The following ZNF385B variants were observed in gnomAD, a reference collection of about 807,000 sequenced individuals.
ZNF385B encodes the protein zinc finger protein 385B.
ZNF385B carries 23 observed loss-of-function variants against 39.2 expected under a neutral mutation model. The ratio of observed to expected loss-of-function variants is 0.59; its 90% confidence interval spans 0.42 to 0.83. The LOEUF (loss-of-function observed/expected upper bound fraction) is 0.83, where lower values mean the gene tolerates loss of function less well. ZNF385B is among the 40% of genes least tolerant of loss of function. The pLI is 0.00. For missense variants in ZNF385B, 552 were observed against 598.9 expected, an observed-to-expected ratio of 0.92 and a Z score of 0.82; for synonymous variants, 205 against 222.6, an observed-to-expected ratio of 0.92 and a Z score of 0.70.
chr2:179,503,083 T>G (rs1177606150), intron 5 of ZNF385B, among the ~76,000 whole-genome samples: 1 of 152,070 alleles, frequency 6.6e-6, no homozygotes, highest in East Asian at 1.9e-4. Context: ...CCATGTTGCC[T>G]AGGCTGGTCT....
At chr2:179,578,796 T>C (rs997015085) in intron 3 of ZNF385B, among the ~76,000 whole-genome samples, 2 of 152,098 alleles carry the variant, frequency 1.3e-5, no homozygotes, top group African/African-American at 4.8e-5. Context: ...GACATTTACA[T>C]TGCTAATAAA....
At chr2:179,540,314 C>T (rs758853895) in intron 4 of ZNF385B, among the ~76,000 whole-genome samples, 13 of 152,092 alleles carry the variant, frequency 8.5e-5, no homozygotes, top group South Asian at 2.1e-4. Context: ...GGTGTGGTGG[C>T]GCATGACTGT....
chr2:179,712,307 G>T (rs1700057190), intron 3 of ZNF385B, among the ~76,000 whole-genome samples: 1 of 152,034 alleles, frequency 6.6e-6, no homozygotes, highest in African/African-American at 2.4e-5. Flanking sequence ...AATACTCCCT[G>T]GTAGCAACTT....
chr2:179,731,586 T>C (rs940289690), intron 3 of ZNF385B, among the ~76,000 whole-genome samples: 3 of 152,162 alleles, frequency 2.0e-5, no homozygotes, highest in African/African-American at 7.2e-5. Context: ...TGCCAGCAAT[T>C]CTGATTTAAT....
intron 3 of ZNF385B, among the ~76,000 whole-genome samples, chr2:179,747,020 G>A (rs1575411858): frequency 6.6e-6 from 1 of 152,068 alleles, no homozygotes; most frequent in Non-Finnish European, 1.5e-5. Flanking sequence ...AAGGGTTTTA[G>A]GTTCTCATTG....
At position 179,493,675 on chromosome 2, in the gene ZNF385B, A is replaced by G. The variant is rs764702844; in HGVS notation, c.553-10241T>C. On this transcript the variant is annotated intron_variant, in intron 5 of 9. Coordinates refer to ENST00000410066, the MANE Select transcript of ZNF385B (RefSeq NM_152520.6). The stretch of plus-strand genomic sequence containing the variant: ...TATACATATATGTATATGCATATGC[A>G]TATACATATACACATATATACATAT... 2.0e-3 allele frequency among the ~76,000 whole-genome samples: 258 copies of G among 126,574 alleles called. 2 individuals carry two copies. Among genetic ancestry groups the G allele is most frequent in the African/African-American group, 6.0e-3 (207 of 34,750 alleles). The allele number at this position is 126,574 out of a possible 152,430, so 83.0% of individuals were successfully genotyped here.
chr2:179,524,586 A>AAAAAAAAAAAAAAAAAAAAAC (rs2058762490), intron 4 of ZNF385B, among the ~76,000 whole-genome samples: 1 of 144,052 alleles, frequency 6.9e-6, no homozygotes, highest in African/African-American at 2.5e-5. Flanking sequence ...AAAAAAAAAA[A>AAAAAAAAAAAAAAAAAAAAAC]AAAATTTAAA....
intron 6 of ZNF385B, among the ~76,000 whole-genome samples, chr2:179,479,053 T>C (rs913990560): frequency 6.6e-6 from 1 of 152,214 alleles, no homozygotes. Context: ...CCTCCCATTA[T>C]GTTTCCAACT....
chr2:179,852,813 T>G (rs1684284777), intron 1 of ZNF385B, among the ~76,000 whole-genome samples: 1 of 152,194 alleles, frequency 6.6e-6, no homozygotes, highest in Non-Finnish European at 1.5e-5. Flanking sequence ...AAGGGTTAAT[T>G]CCATGAATCT....
chr2:179,473,795 G>A (rs2053092065), intron 6 of ZNF385B, among the ~76,000 whole-genome samples: 3 of 152,084 alleles, frequency 2.0e-5, no homozygotes, highest in Admixed American at 2.0e-4. Context: ...TTCTGTTCCT[G>A]TGTTAGTTTG....
intron 3 of ZNF385B, among the ~76,000 whole-genome samples, chr2:179,593,181 A>G (rs72953722): frequency 0.071 from 10,806 of 152,264 alleles, 492 homozygotes; most frequent in Non-Finnish European, 0.1. Flanking sequence ...GAAAAACTAT[A>G]ATAAACACTG....
At chr2:179,679,601 A>ATTGTTG (rs71401757) in intron 3 of ZNF385B, among the ~76,000 whole-genome samples, 1,979 of 150,364 alleles carry the variant, frequency 0.013, 29 homozygotes, top group African/African-American at 0.036. Context: ...AACAGCTATT[A>ATTGTTG]TTGTTGTTGT....
chr2:179,580,529 G>T (rs1383555005), intron 3 of ZNF385B, among the ~76,000 whole-genome samples: 2 of 152,162 alleles, frequency 1.3e-5, no homozygotes, highest in African/African-American at 4.8e-5. Context: ...TTGTAGACAG[G>T]CCAGGAGGCC....
chr2:179,572,520 C>T (rs930542895), intron 3 of ZNF385B, among the ~76,000 whole-genome samples: 1 of 151,784 alleles, frequency 6.6e-6, no homozygotes, highest in Non-Finnish European at 1.5e-5. Context: ...GAGTATGAAC[C>T]GAGGGTTAGG....
At chr2:179,509,925 C>A (rs2057534918) in intron 5 of ZNF385B, among the ~76,000 whole-genome samples, 1 of 152,188 alleles carries the variant, frequency 6.6e-6, no homozygotes, top group Admixed American at 6.5e-5. Flanking sequence ...GTGACTTTCT[C>A]CAAATCCCCT....
intron 3 of ZNF385B, among the ~76,000 whole-genome samples, chr2:179,730,506 C>T (rs889333959): frequency 8.5e-5 from 13 of 152,210 alleles, no homozygotes; most frequent in Non-Finnish European, 1.3e-4. Context: ...GTGCACTACT[C>T]CTTTCTGCAA....
intron 1 of ZNF385B, among the ~76,000 whole-genome samples, chr2:179,786,398 T>C (rs1217520700): frequency 6.6e-6 from 1 of 152,152 alleles, no homozygotes; most frequent in Non-Finnish European, 1.5e-5. Flanking sequence ...TATGATTTTG[T>C]TTTCCACTTT....
intron 3 of ZNF385B, among the ~76,000 whole-genome samples, chr2:179,598,517 C>T (rs996875357): frequency 2.0e-5 from 3 of 151,824 alleles, no homozygotes; most frequent in Admixed American, 6.6e-5. Flanking sequence ...ATGAGTAAAT[C>T]GTGATATATT....
Position 179,605,760 on chromosome 2 carries a change from C to G in ZNF385B, c.299-60791G>C, listed in dbSNP as rs537031838. On this transcript the variant is annotated intron_variant, in intron 3 of 9. Transcript: ENST00000410066. ...CAAATGCCCATTACTAATTCATGTC[C>G]TTAAGTATGGTATCTCAAGTGAATT... 2.6e-5 allele frequency among the ~76,000 whole-genome samples: 4 copies of G among 152,172 alleles called. No individual in the cohort carries two copies. The South Asian group carries it at 8.3e-4, about 32-fold the overall frequency.
Sources: gnomAD v4.1 joint callset for allele counts (sites outside exome capture counted in the v4.1 genomes callset) on GRCh38, gnomAD v4.1.1 for gene constraint, MANE v1.5 for transcripts, NCBI Gene and HGNC (gene_info 2026-07-23, HGNC 2026-07-21) for gene names.